The following ZC3H13 variants were observed in gnomAD, a reference collection of about 807,000 sequenced individuals.
The protein encoded by ZC3H13 is zinc finger CCCH-type containing 13.
ZC3H13 carries 64 observed loss-of-function variants against 204.1 expected under a neutral mutation model. The observed-to-expected ratio is 0.31, with a 90% CI of 0.26 to 0.39. The LOEUF is 0.39. ZC3H13 is among the 10% of genes least tolerant of loss of function. ZC3H13 has a pLI of 1.00. For synonymous variants in ZC3H13, 667 were observed against 693.7 expected (o/e 0.96, Z 0.60); for missense variants, 1,833 against 2,082.7 (o/e 0.88, Z 2.33).
Position 46,004,021 on chromosome 13 carries a change from C to A in ZC3H13, c.747-685G>T, listed in dbSNP as rs558971253. ...ACTAAATCAAATTTTAAAACTTTTGCATGTCAAAGGACACAATCAACAAAG... is the reference window on the plus strand; with the variant it reads ...ACTAAATCAAATTTTAAAACTTTTGAATGTCAAAGGACACAATCAACAAAG... On this transcript the variant is annotated intron_variant, in intron 7 of 18. Transcript: ENST00000679008. Among the ~76,000 whole-genome samples, 31 of 152,204 alleles carry A rather than the reference C, an allele frequency of 2.0e-4. No homozygotes were observed. The South Asian group carries it at 6.2e-3, about 31-fold the overall frequency.
At chr13:46,015,617 T>A (rs1255103314) in intron 5 of ZC3H13, among the ~76,000 whole-genome samples, 2 of 152,114 alleles carry the variant, frequency 1.3e-5, no homozygotes, top group Admixed American at 6.6e-5. Flanking sequence ...ACTTCATTGG[T>A]CCTTAAGAAC....
intron 11 of ZC3H13, chr13:45,976,144 C>T: frequency 1.0e-6 from 1 of 983,802 alleles, no homozygotes; most frequent in Non-Finnish European, 1.2e-6. Context: ...CTCCAGCCCA[C>T]TGCTCCAACC....
At chr13:46,023,502 GT>G (rs2138857818) in intron 4 of ZC3H13, among the ~76,000 whole-genome samples, 1 of 152,188 alleles carries the variant, frequency 6.6e-6, no homozygotes, top group Non-Finnish European at 1.5e-5. Flanking sequence ...ATCGGCTAGT[GT>G]GCTTCAATGA....
At chr13:46,005,407 C>G (rs908458630) in intron 7 of ZC3H13, among the ~76,000 whole-genome samples, 5 of 152,156 alleles carry the variant, frequency 3.3e-5, no homozygotes, top group African/African-American at 1.2e-4. Flanking sequence ...GATCTTAAAT[C>G]TGTCTTTATA....
chr13:46,014,392 C>T (rs2041783297), intron 5 of ZC3H13, among the ~76,000 whole-genome samples: 1 of 151,994 alleles, frequency 6.6e-6, no homozygotes, highest in Non-Finnish European at 1.5e-5. Flanking sequence ...TGTGATGTTC[C>T]CCTCTCTGTG....
At chr13:45,988,361 A>C (rs985997930) in intron 9 of ZC3H13, among the ~76,000 whole-genome samples, 1 of 152,046 alleles carries the variant, frequency 6.6e-6, no homozygotes, top group Non-Finnish European at 1.5e-5. Flanking sequence ...GGGTTCAAGC[A>C]ATTCTCCTGC....
intron 4 of ZC3H13, among the ~76,000 whole-genome samples, chr13:46,024,142 G>A (rs371924459): frequency 2.6e-5 from 4 of 152,188 alleles, no homozygotes; most frequent in East Asian, 1.9e-4. Context: ...GTGGTGGAAC[G>A]GGTTCTGGGG....
intron 8 of ZC3H13, among the ~76,000 whole-genome samples, chr13:45,997,236 A>C (rs2040405792): frequency 6.6e-6 from 1 of 152,236 alleles, no homozygotes; most frequent in African/African-American, 2.4e-5. Context: ...TTAAAAATTA[A>C]CCACATGATA....
intron 4 of ZC3H13, among the ~76,000 whole-genome samples, chr13:46,032,248 A>C (rs1158749551): frequency 1.8e-4 from 28 of 152,246 alleles, no homozygotes; most frequent in Middle Eastern, 6.8e-3. Flanking sequence ...ACTGTATAAA[A>C]CATAGTGTTT....
At chr13:46,035,474 T>C (rs771780564) in intron 4 of ZC3H13, among the ~76,000 whole-genome samples, 40 of 152,218 alleles carry the variant, frequency 2.6e-4, no homozygotes, top group Non-Finnish European at 5.3e-4. Context: ...CCATATAAAA[T>C]GAAAATATAT....
chr13:46,005,867 G>GCGGATCGTGAGGCGGT (rs1190322037), intron 7 of ZC3H13, among the ~76,000 whole-genome samples: 1 of 152,078 alleles, frequency 6.6e-6, no homozygotes, highest in Non-Finnish European at 1.5e-5. Context: ...GCCAAGGTGG[G>GCGGATCGTGAGGCGGT]CGGATCGTGA....
intron 13 of ZC3H13, 70 bp downstream of exon 13, chr13:45,970,292 G>A (rs1359440884): frequency 9.2e-6 from 14 of 1,514,140 alleles, no homozygotes; most frequent in Non-Finnish European, 1.3e-5. Context: ...GTTCCTACTA[G>A]TATGAAAGGA....
intron 17 of ZC3H13, among the ~76,000 whole-genome samples, chr13:45,960,783 C>A (rs138520724): frequency 9.9e-5 from 15 of 152,212 alleles, no homozygotes; most frequent in African/African-American, 3.4e-4. Context: ...CTTTTACAAC[C>A]CACAAAGAAA....
chr13:45,963,607 T>C lies in ZC3H13; in HGVS notation c.4675+235A>G, dbSNP rs992653019. On this transcript the variant is annotated intron_variant, in intron 17 of 18. Coordinates refer to ENST00000679008, the MANE Select transcript of ZC3H13 (RefSeq NM_001330564.2). Reference sequence around the variant, plus strand: ...CTGGCCTGTTAATAAGTAATTTTCATACAAAAAGGTCATTGTACTCTTTTC... The same window carrying C: ...CTGGCCTGTTAATAAGTAATTTTCACACAAAAAGGTCATTGTACTCTTTTC... The C allele has an allele frequency of 4.6e-6, 6 of 1,300,202 alleles. No individual in the cohort carries two copies. In the African/African-American group the frequency reaches 9.1e-5, roughly 20 times the overall value. 80.5% of individuals were successfully genotyped at this position (1,300,202 alleles called of 1,614,324 possible).
intron 8 of ZC3H13, among the ~76,000 whole-genome samples, chr13:45,999,743 A>C (rs2040604479): frequency 6.6e-6 from 1 of 152,224 alleles, no homozygotes; most frequent in Non-Finnish European, 1.5e-5. Context: ...AATCCTTTCC[A>C]TAAAGTTTTC....
chr13:46,048,089 T>A (rs1038266999), intron 1 of ZC3H13, among the ~76,000 whole-genome samples: 15 of 152,228 alleles, frequency 9.9e-5, no homozygotes, highest in African/African-American at 3.6e-4. Flanking sequence ...CTATTTATTA[T>A]CGTACTTATT....
At chr13:45,991,840 G>C (rs975943445) in intron 8 of ZC3H13, among the ~76,000 whole-genome samples, 3 of 152,106 alleles carry the variant, frequency 2.0e-5, no homozygotes, top group African/African-American at 7.2e-5. Flanking sequence ...ATTAGGATAT[G>C]ATGTGGTGTG....
At chr13:45,975,970 T>C (rs1007020731) in intron 11 of ZC3H13, 132 bp from the exon 12 acceptor site, 60 of 1,379,668 alleles carry the variant, frequency 4.3e-5, no homozygotes, top group Admixed American at 1.2e-4. Context: ...GTAGCATATT[T>C]AATTTTAACT....
At chr13:46,028,712 C>T (rs1214604198) in intron 4 of ZC3H13, among the ~76,000 whole-genome samples, 1 of 151,738 alleles carries the variant, frequency 6.6e-6, no homozygotes, top group African/African-American at 2.4e-5. Context: ...ACATATTGGT[C>T]AAAGAAGAAA....
Sources: allele counts gnomAD v4.1 joint callset (sites outside exome capture counted in the v4.1 genomes callset), GRCh38; gene constraint gnomAD v4.1.1; transcripts MANE v1.5; gene names NCBI Gene and HGNC (gene_info 2026-07-23, HGNC 2026-07-21).